Variants in SHLD1 observed in about 807,000 individuals in gnomAD.
SHLD1 encodes RINN1-REV7-interacting novel NHEJ regulator 3.
In SHLD1, 3 loss-of-function variants were observed where a neutral mutation model predicts 5.5. The ratio of observed to expected loss-of-function variants is 0.54; its 90% CI spans 0.25 to 1.40. The LOEUF is 1.40. SHLD1 is among the 40% of genes most tolerant of loss of function. The pLI, the probability that SHLD1 is intolerant of heterozygous loss-of-function variation, is 0.15. For missense variants in SHLD1, 210 were observed against 244.4 expected (o/e 0.86, Z 0.94); for synonymous variants, 92 against 94.3 (o/e 0.98, Z 0.14).
At chr20:5,845,117 C>T (rs1365927547) in intron 2 of SHLD1, among the ~76,000 whole-genome samples, 1 of 152,092 alleles carries the variant, frequency 6.6e-6, no homozygotes, top group Non-Finnish European at 1.5e-5. Context: ...TTAATAGAAG[C>T]ATTCACTATT....
At chr20:5,766,725 C>T (rs1984850293) in intron 1 of SHLD1, among the ~76,000 whole-genome samples, 1 of 152,094 alleles carries the variant, frequency 6.6e-6, no homozygotes, top group Non-Finnish European at 1.5e-5. Flanking sequence ...CTTATGATTA[C>T]ACTGCTCATG....
At chr20:5,857,354 C>A (rs1409596333) in intron 2 of SHLD1, among the ~76,000 whole-genome samples, 1 of 152,134 alleles carries the variant, frequency 6.6e-6, no homozygotes, top group East Asian at 1.9e-4. Context: ...GCCCAGGGAG[C>A]CTCCAACAGA....
intron 2 of SHLD1, among the ~76,000 whole-genome samples, chr20:5,826,607 GTCC>G (rs1273307673): frequency 2.0e-5 from 3 of 152,108 alleles, no homozygotes; most frequent in Non-Finnish European, 4.4e-5. Context: ...CAGCTCTGAA[GTCC>G]TCCTCCTTGA....
At chr20:5,807,135 T>C (rs1174221855) in intron 2 of SHLD1, among the ~76,000 whole-genome samples, 1 of 152,228 alleles carries the variant, frequency 6.6e-6, no homozygotes, top group African/African-American at 2.4e-5. Context: ...CTCTTGGTTA[T>C]GTATGATTAG....
chr20:5,858,624 A>G (rs1192067858), intron 2 of SHLD1, among the ~76,000 whole-genome samples: 3 of 152,232 alleles, frequency 2.0e-5, no homozygotes, highest in African/African-American at 7.2e-5. Context: ...ACTTGAGGCC[A>G]GGAGTTCGAG....
At chr20:5,830,616 A>G (rs562256736) in intron 2 of SHLD1, among the ~76,000 whole-genome samples, 98 of 151,408 alleles carry the variant, frequency 6.5e-4, no homozygotes, top group African/African-American at 2.3e-3. Flanking sequence ...TGAACCCAGG[A>G]GGCAGAGGTT....
intron 2 of SHLD1, among the ~76,000 whole-genome samples, chr20:5,853,158 A>G (rs116956929): frequency 0.012 from 1,830 of 152,320 alleles, 17 homozygotes; most frequent in Non-Finnish European, 0.02. Flanking sequence ...ACAGCAGGTA[A>G]CAAGAGAGAC....
At chr20:5,755,055 CAA>C (rs61439374) in intron 1 of SHLD1, among the ~76,000 whole-genome samples, 54 of 134,256 alleles carry the variant, frequency 4.0e-4, no homozygotes, top group Non-Finnish European at 4.1e-4. Context: ...GACCCTGTCT[CAA>C]AAAAAAAAAA....
intron 2 of SHLD1, among the ~76,000 whole-genome samples, chr20:5,851,096 C>T (rs2088002970): frequency 6.6e-6 from 1 of 152,204 alleles, no homozygotes; most frequent in Admixed American, 6.5e-5. Context: ...CACAAATCAA[C>T]ATGGCTGCCA....
chr20:5,853,053 C>T (rs1397830063), intron 2 of SHLD1, among the ~76,000 whole-genome samples: 4 of 152,188 alleles, frequency 2.6e-5, no homozygotes, highest in Middle Eastern at 3.4e-3. Flanking sequence ...GTTTATTATG[C>T]CTATGAAAAT....
chr20:5,805,510 T>C (rs1296342680), intron 2 of SHLD1, among the ~76,000 whole-genome samples: 3 of 152,156 alleles, frequency 2.0e-5, no homozygotes, highest in Non-Finnish European at 4.4e-5. Context: ...ACTTTTCAAT[T>C]TCTTAAAAAA....
At chr20:5,782,323 C>T (rs2086998974) in intron 2 of SHLD1, among the ~76,000 whole-genome samples, 1 of 152,148 alleles carries the variant, frequency 6.6e-6, no homozygotes, top group African/African-American at 2.4e-5. Context: ...AGGCCCAGTC[C>T]CACATGTACT....
At chr20:5,816,092 A>G (rs1797579866) in intron 2 of SHLD1, among the ~76,000 whole-genome samples, 1 of 150,448 alleles carries the variant, frequency 6.6e-6, no homozygotes, top group Non-Finnish European at 1.5e-5. Flanking sequence ...AAAAAACGAA[A>G]AAAAAAAAAA....
chr20:5,856,763 A>G (rs2088091376), intron 2 of SHLD1, among the ~76,000 whole-genome samples: 1 of 152,242 alleles, frequency 6.6e-6, no homozygotes, highest in South Asian at 2.1e-4. Flanking sequence ...TTTTAATTTT[A>G]TTTTTTAATT....
chr20:5,827,797 C>T (rs535249890), intron 2 of SHLD1, among the ~76,000 whole-genome samples: 37 of 152,224 alleles, frequency 2.4e-4, no homozygotes, highest in Non-Finnish European at 4.3e-4. Context: ...TGATTCGACA[C>T]GTACTTCATT....
chr20:5,760,811 AAG>A (rs1478219046), intron 1 of SHLD1, among the ~76,000 whole-genome samples: 1 of 152,104 alleles, frequency 6.6e-6, no homozygotes, highest in Non-Finnish European at 1.5e-5. Context: ...AGGAGAAGAG[AAG>A]AGACAGTTAC....
intron 2 of SHLD1, among the ~76,000 whole-genome samples, chr20:5,851,715 A>T (rs1279666735): frequency 6.6e-6 from 1 of 152,048 alleles, no homozygotes; most frequent in Non-Finnish European, 1.5e-5. Flanking sequence ...TGACATTTTT[A>T]AATTACTGAG....
chr20:5,859,238 A>C (rs2088128830), intron 2 of SHLD1, among the ~76,000 whole-genome samples: 1 of 152,180 alleles, frequency 6.6e-6, no homozygotes, highest in African/African-American at 2.4e-5. Flanking sequence ...GTCAACATTG[A>C]GTTCCCACTC....
intron 2 of SHLD1, among the ~76,000 whole-genome samples, chr20:5,812,277 C>T (rs6139841): frequency 0.35 from 52,613 of 151,790 alleles, 10,801 homozygotes; most frequent in Non-Finnish European, 0.45. Flanking sequence ...TTTTTTCTCA[C>T]GTATCCATGG....
Sources: gnomAD v4.1 joint callset for allele counts (sites outside exome capture counted in the v4.1 genomes callset) on GRCh38, gnomAD v4.1.1 for gene constraint, MANE v1.5 for transcripts, NCBI Gene and HGNC (gene_info 2026-07-23, HGNC 2026-07-21) for gene names.